The following IL2RB variants were observed in gnomAD, a reference collection of about 807,000 sequenced individuals.
IL2RB encodes the protein interleukin-2 receptor subunit beta.
A neutral mutation model predicts 44.2 loss-of-function variants in IL2RB; 17 were observed. The observed-to-expected ratio is 0.38, with a 90% CI of 0.26 to 0.58. The LOEUF (loss-of-function observed/expected upper bound fraction) is 0.58, where lower values mean the gene tolerates loss of function less well. IL2RB is among the 20% of genes least tolerant of loss of function. IL2RB has a pLI of 0.63. For missense variants in IL2RB, 624 were observed against 685.5 expected, an observed-to-expected ratio of 0.91 and a Z score of 1.00; for synonymous variants, 286 against 297.9, an observed-to-expected ratio of 0.96 and a Z score of 0.41.
At chr22:37,159,308 C>T (rs1922780694) in intron 1 of IL2RB, among the ~76,000 whole-genome samples, 1 of 152,014 alleles carries the variant, frequency 6.6e-6, no homozygotes, top group African/African-American at 2.4e-5. Flanking sequence ...TTATGCCTGG[C>T]TGTCACCGTT....
chr22:37,134,733 G>A (rs899014605), intron 8 of IL2RB, among the ~76,000 whole-genome samples: 2 of 152,176 alleles, frequency 1.3e-5, no homozygotes, highest in Middle Eastern at 3.2e-3. Flanking sequence ...GCAATACGTC[G>A]ACATCCTCCT....
At chr22:37,162,832 C>T (rs149723419) in intron 1 of IL2RB, among the ~76,000 whole-genome samples, 1 of 152,278 alleles carries the variant, frequency 6.6e-6, no homozygotes, top group Non-Finnish European at 1.5e-5. Context: ...CGCATCCTAC[C>T]CCTGCCTGCC....
intron 1 of IL2RB, among the ~76,000 whole-genome samples, chr22:37,165,480 G>C (rs369469394): frequency 6.6e-6 from 1 of 152,166 alleles, no homozygotes; most frequent in South Asian, 2.1e-4. Context: ...CTGGCTCAGG[G>C]CTGGGAGTTA....
chr22:37,136,449 A>T, intron 6 of IL2RB, 56 bp from the exon 7 acceptor site: 2 of 1,527,606 alleles, frequency 1.3e-6, no homozygotes, highest in Non-Finnish European at 1.8e-6. Flanking sequence ...CAGGGCCAGG[A>T]GGCTGAGCAT....
At chr22:37,140,633 G>A (rs1318206643) in intron 4 of IL2RB, among the ~76,000 whole-genome samples, 1 of 151,916 alleles carries the variant, frequency 6.6e-6, no homozygotes, top group Non-Finnish European at 1.5e-5. Flanking sequence ...GCTACACTGT[G>A]TGACTCCATC....
chr22:37,142,175 G>T (rs1029915998), intron 4 of IL2RB, among the ~76,000 whole-genome samples: 2 of 152,208 alleles, frequency 1.3e-5, no homozygotes, highest in Non-Finnish European at 2.9e-5. Flanking sequence ...AAAGCGCAGG[G>T]GAGACAGCAG....
Position 37,128,015 on chromosome 22 carries a change from T to C in IL2RB, c.*81A>G. ...ACTGGACACTGAGTGTCCTCAGCAGTGGACTGAGGACCCTCAACAGGGTCC... is the reference window on the plus strand; with the variant it reads ...ACTGGACACTGAGTGTCCTCAGCAGCGGACTGAGGACCCTCAACAGGGTCC... On this transcript the variant is annotated 3_prime_UTR_variant, in exon 10 of 10. Transcript: ENST00000216223. This position sits in a 1 kb window ranked among gnomAD's most constrained non-coding sequence, Gnocchi z 4.5. The C allele has an allele frequency of 2.6e-6, 3 of 1,170,300 alleles. No individual in the cohort carries two copies. The highest frequency in any genetic ancestry group is 3.4e-6 in the Non-Finnish European group (3 of 873,912). 72.5% of individuals were successfully genotyped at this position (1,170,300 alleles called of 1,614,324 possible).
rs764846722 is a variant in IL2RB, at chr22:37,143,569, C to G, written c.155G>C (p.Gly52Ala). ...TTGGCAGGAAGTGTCCTGCAGAGCC[C>G]CATCTTGGCTCCAGACACAGGAGAT... The part of the protein sequence containing the change: ...ANISCVWSQD[G>A]ALQDTSCQVH... Residue 52 changes from glycine to alanine, a missense_variant, in exon 3 of 10, where the codon GGG becomes GCG. Gly to Ala is a moderately conservative substitution (Grantham distance 60). Transcript: ENST00000216223. 1 of 1,614,090 alleles carries G rather than the reference C, an allele frequency of 6.2e-7. No individual in the cohort carries two copies. Among genetic ancestry groups the G allele is most frequent in the Non-Finnish European group, 8.5e-7 (1 of 1,179,988 alleles).
At chr22:37,160,679 C>CAAAAAAAAAAAAAAAAAAAAAAA (rs10605445) in intron 1 of IL2RB, among the ~76,000 whole-genome samples, 11 of 136,028 alleles carry the variant, frequency 8.1e-5, no homozygotes, top group African/African-American at 3.2e-4. Context: ...CTGTCTATGC[C>CAAAAAAAAAAAAAAAAAAAAAAA]AAAAAAAAAA....
intron 4 of IL2RB, among the ~76,000 whole-genome samples, chr22:37,139,501 T>C (rs1921863191): frequency 6.6e-6 from 1 of 152,186 alleles, no homozygotes; most frequent in South Asian, 2.1e-4. Context: ...AGTAAAACTT[T>C]ATTTAGAAAC....
intron 1 of IL2RB, chr22:37,161,876 A>G (rs229488): frequency 0.8 from 121,930 of 152,230 alleles, 49,386 homozygotes; most frequent in African/African-American, 0.93. Context: ...CTCAACTCCA[A>G]GACCTGGAGG....
At chr22:37,157,493 G>A (rs1922720672) in intron 1 of IL2RB, among the ~76,000 whole-genome samples, 1 of 152,192 alleles carries the variant, frequency 6.6e-6, no homozygotes, top group Non-Finnish European at 1.5e-5. Context: ...CCTATCTTGT[G>A]CAAACCATGC....
Position 37,137,603 on chromosome 22 carries a change from G to A in IL2RB, c.521C>T (p.Pro174Leu). ...HLEFEARTLSPGHTWEEAPLL... is the reference protein window; with the variant it reads ...HLEFEARTLSLGHTWEEAPLL... ...CATTCTCACCTCCCAGGTGTGGCCT[G>A]GGGACAGCGTCCGGGCCTCGAACTC... The change falls in exon 6 of 10, where the codon CCA becomes CTA. Residue 174 changes from proline to leucine, a missense_variant. Around this residue, in one of 3 missense-constraint regions of IL2RB, gnomAD observed 255 missense variants for 339.9 expected, o/e 0.75. Transcript: ENST00000216223. 4 of 1,614,132 alleles carry A rather than the reference G, an allele frequency of 2.5e-6. No individual in the cohort carries two copies. The highest frequency in any genetic ancestry group is 2.5e-6 in the Non-Finnish European group (3 of 1,179,996).
upstream of IL2RB, among the ~76,000 whole-genome samples, chr22:37,151,685 T>C (rs906325330): frequency 1.3e-5 from 2 of 152,240 alleles, no homozygotes; most frequent in African/African-American, 2.4e-5. Context: ...AGTAGTTTCA[T>C]AGTTTGAGGT....
intron 8 of IL2RB, among the ~76,000 whole-genome samples, chr22:37,132,862 G>A (rs769196390): frequency 1.1e-4 from 16 of 152,218 alleles, no homozygotes; most frequent in Non-Finnish European, 2.2e-4. Context: ...ACCAGGAGGC[G>A]GGAGAGAGGA....
rs228943 is a variant in IL2RB, at chr22:37,128,941, C to G, written c.904-93G>C. On this transcript the variant is annotated intron_variant, in intron 9 of 9. Coordinates refer to ENST00000216223, the MANE Select transcript of IL2RB (RefSeq NM_000878.5). This position sits in a 1 kb window ranked among gnomAD's most constrained non-coding sequence, Gnocchi z 4.5. Reference sequence around the variant, plus strand: ...TCTCAACAGCTCCTAACTCCTCCTCCTCCTGAAGCAGTTGGCCCAGGGCTG... The same window carrying G: ...TCTCAACAGCTCCTAACTCCTCCTCGTCCTGAAGCAGTTGGCCCAGGGCTG... The G allele has an allele frequency of 9.9e-5, 141 of 1,417,700 alleles. 1 individual carries two copies. In the African/African-American group the frequency reaches 1.6e-3, roughly 16 times the overall value. 87.8% of individuals were successfully genotyped at this position (1,417,700 alleles called of 1,614,324 possible). A position where few individuals can be genotyped will look rare whatever the true frequency, so the allele number is the denominator to read the frequency against.
chr22:37,144,016 A>G lies in IL2RB; in HGVS notation c.88+69T>C, dbSNP rs368020539. 1.6e-5 allele frequency: 25 copies of G among 1,545,722 alleles called. No individual in the cohort carries two copies. In the African/African-American group the frequency reaches 3.1e-4, roughly 19 times the overall value. On this transcript the variant is annotated intron_variant, in intron 2 of 9. Coordinates refer to ENST00000216223, the MANE Select transcript of IL2RB (RefSeq NM_000878.5). ...TCTGGCCCCATCCCCTTCTGGGAAG[A>G]GGCTTTAGCAGGGCCTTAGCCATCT...
rs148800183 is a variant in IL2RB, at chr22:37,143,598, G to A, written c.126C>T (p.Ala42=). ...SQFTCFYNSR[A]NISCVWSQDG... ...CTTGGCTCCAGACACAGGAGATGTTGGCTCTCGAGTTGTAGAAGCATGTGA... is the reference window on the plus strand; with the variant it reads ...CTTGGCTCCAGACACAGGAGATGTTAGCTCTCGAGTTGTAGAAGCATGTGA... Residue 42 remains alanine (A), a synonymous_variant, in exon 3 of 10, where the codon GCC becomes GCT. Coordinates refer to ENST00000216223, the MANE Select transcript of IL2RB (RefSeq NM_000878.5). The A allele has an allele frequency of 1.1e-3, 1,735 of 1,614,108 alleles. 13 individuals carry two copies. The Middle Eastern group carries it at 0.019, about 18-fold the overall frequency.
At chr22:37,150,025 A>C (rs975234084), upstream of IL2RB, 27 of 542,338 alleles carry the variant, frequency 5.0e-5, no homozygotes, top group African/African-American at 5.6e-4. Context: ...GCTTATGAGA[A>C]AGCCTGAAAC....
Sources: allele counts gnomAD v4.1 joint callset (sites outside exome capture counted in the v4.1 genomes callset), GRCh38; gene constraint gnomAD v4.1.1; regional missense constraint gnomAD v4.1.1; non-coding constraint Gnocchi (gnomAD v3.1); transcripts MANE v1.5; gene names NCBI Gene and HGNC (gene_info 2026-07-23, HGNC 2026-07-21).